The following EIF3H variants were observed in gnomAD, a reference collection of about 807,000 sequenced individuals.
EIF3H encodes eukaryotic translation initiation factor 3 subunit H.
EIF3H carries 26 observed loss-of-function variants against 44.2 expected under a neutral mutation model. The observed-to-expected ratio is 0.59, with a 90% confidence interval of 0.43 to 0.82. EIF3H has a LOEUF of 0.82. EIF3H is among the 40% of genes least tolerant of loss of function. The probability of loss-of-function intolerance (pLI) is 0.00; values close to 1 mark genes in which losing one functional copy is unlikely to be tolerated. For synonymous variants in EIF3H, 166 were observed against 151.9 expected, an observed-to-expected ratio of 1.09 and a Z score of -0.68; for missense variants, 359 against 432.8, an observed-to-expected ratio of 0.83 and a Z score of 1.51.
At chr8:116,714,028 A>G (rs74325123) in intron 2 of EIF3H, among the ~76,000 whole-genome samples, 2,158 of 152,168 alleles carry the variant, frequency 0.014, 22 homozygotes, top group Non-Finnish European at 0.02. Context: ...GAGAACTTTC[A>G]TGTATAAAAA....
In EIF3H at chr8:116,646,459, G is replaced by A. The variant is rs199543491; in HGVS notation, c.961+12C>T. 38 of 1,614,044 alleles carry A rather than the reference G, an allele frequency of 2.4e-5. No homozygotes were observed. Among genetic ancestry groups the A allele is most frequent in the African/African-American group, 5.3e-5 (4 of 75,006 alleles). On this transcript the variant is annotated intron_variant, in intron 7 of 7. Coordinates refer to ENST00000521861, the MANE Select transcript of EIF3H (RefSeq NM_003756.3). Reference sequence around the variant, plus strand: ...AACAAAACCAGCCAGGTTTTGCACTGGGCAACAATACCTGCAATGAGCAGC... The same window carrying A: ...AACAAAACCAGCCAGGTTTTGCACTAGGCAACAATACCTGCAATGAGCAGC...
chr8:116,721,124 G>A (rs1334729568), intron 2 of EIF3H, among the ~76,000 whole-genome samples: 1 of 152,106 alleles, frequency 6.6e-6, no homozygotes, highest in Admixed American at 6.5e-5. Context: ...GGCCTAGGAG[G>A]AAAAAATGGT....
chr8:116,740,908 C>G (rs1414256785), intron 1 of EIF3H, among the ~76,000 whole-genome samples: 1 of 152,094 alleles, frequency 6.6e-6, no homozygotes, highest in East Asian at 1.9e-4. Context: ...CCTATAAAGA[C>G]AGTACCAATC....
chr8:116,663,666 C>G (rs1199492223), intron 2 of EIF3H, among the ~76,000 whole-genome samples: 1 of 152,148 alleles, frequency 6.6e-6, no homozygotes, highest in African/African-American at 2.4e-5. Context: ...CGCCGTGGCT[C>G]TCGCCTGTAA....
chr8:116,752,828 G>GGAAGGAAA lies in EIF3H; in HGVS notation c.132+2837_132+2838insTTTCCTTC, dbSNP rs1285435870. On this transcript the variant is annotated intron_variant, in intron 1 of 7. Coordinates refer to ENST00000521861, the MANE Select transcript of EIF3H (RefSeq NM_003756.3). ...AGGAAGGAAGGAAGGAAGGAAGGAA[G>GGAAGGAAA]GAAAGAGAGAGAGAAAAGAAAAGAA... Among the ~76,000 whole-genome samples the GGAAGGAAA allele has an allele frequency of 1.5e-3, 205 of 134,866 alleles. 4 individuals are homozygous for GGAAGGAAA. The highest frequency in any genetic ancestry group is 3.4e-3 in the Admixed American group (46 of 13,682). The allele number at this position is 134,866 out of a possible 152,430, so 88.5% of individuals were successfully genotyped here.
intron 2 of EIF3H, among the ~76,000 whole-genome samples, chr8:116,691,628 A>G (rs1814175832): frequency 6.6e-6 from 1 of 152,128 alleles, no homozygotes; most frequent in Non-Finnish European, 1.5e-5. Flanking sequence ...TAATCCCAGC[A>G]CTTTAGAAGG....
chr8:116,723,378 C>T (rs1394702856), intron 2 of EIF3H, among the ~76,000 whole-genome samples: 1 of 152,036 alleles, frequency 6.6e-6, no homozygotes, highest in African/African-American at 2.4e-5. Flanking sequence ...AAATCTCAAC[C>T]TTAATTCTGT....
Position 116,655,962 on chromosome 8 carries a change from C to T in EIF3H, c.601G>A (p.Val201Met), listed in dbSNP as rs1813481552. 1 of 1,613,680 alleles carries T rather than the reference C, an allele frequency of 6.2e-7. No homozygotes were observed. Among genetic ancestry groups the T allele is most frequent in the Admixed American group, 1.7e-5 (1 of 59,974 alleles). The stretch of plus-strand genomic sequence containing the variant: ...TGTGAATTTTTAATTACAATCGGCA[C>T]TTCTTCAAACATGTACTCAAAGGTG... ...NITFEYMFEE[V>M]PIVIKNSHLI... The change falls in exon 5 of 8, where the codon GTG becomes ATG. Residue 201 changes from valine (V) to methionine (M), a missense_variant. By Grantham distance (21) the Val-to-Met change is conservative. This residue lies in a region of EIF3H where 85 missense variants were observed against 79.2 expected (regional missense o/e 1.07). Transcript: ENST00000521861.
intron 1 of EIF3H, among the ~76,000 whole-genome samples, chr8:116,742,102 T>C (rs1014173450): frequency 1.3e-5 from 2 of 151,838 alleles, no homozygotes; most frequent in East Asian, 1.9e-4. Context: ...AAAAAAAAGA[T>C]TTTCTGCTCC....
At chr8:116,684,560 T>C (rs758456862) in intron 2 of EIF3H, among the ~76,000 whole-genome samples, 1 of 152,088 alleles carries the variant, frequency 6.6e-6, no homozygotes, top group East Asian at 1.9e-4. Context: ...ATTTTTTTTT[T>C]AAAGCAACAG....
chr8:116,713,479 A>G (rs1047160696), intron 2 of EIF3H, among the ~76,000 whole-genome samples: 7 of 152,192 alleles, frequency 4.6e-5, no homozygotes, highest in African/African-American at 1.2e-4. Context: ...TAAAACATGA[A>G]GTAAATGCAA....
intron 1 of EIF3H, among the ~76,000 whole-genome samples, chr8:116,752,432 C>CTA (rs1281718436): frequency 6.6e-6 from 1 of 151,960 alleles, no homozygotes; most frequent in Non-Finnish European, 1.5e-5. Context: ...AGGTACTATA[C>CTA]TAAACACTTT....
chr8:116,735,603 T>A (rs916384572), intron 1 of EIF3H, among the ~76,000 whole-genome samples: 1 of 152,246 alleles, frequency 6.6e-6, no homozygotes, highest in African/African-American at 2.4e-5. Flanking sequence ...TTTGGAATAG[T>A]TGCATTTTCA....
At chr8:116,651,754 C>G (rs934280081) in intron 5 of EIF3H, among the ~76,000 whole-genome samples, 1 of 152,150 alleles carries the variant, frequency 6.6e-6, no homozygotes, top group Admixed American at 6.5e-5. Context: ...GATTTAAATT[C>G]ACTCCGACTT....
intron 7 of EIF3H, among the ~76,000 whole-genome samples, chr8:116,645,590 TG>T (rs1185858230): frequency 6.6e-6 from 1 of 152,244 alleles, no homozygotes; most frequent in African/African-American, 2.4e-5. Context: ...AGAGTTCACT[TG>T]AAGAAAGGGC....
intron 5 of EIF3H, 122 bp from the exon 6 acceptor site, chr8:116,649,048 T>C (rs970321830): frequency 8.9e-6 from 7 of 785,294 alleles, no homozygotes; most frequent in Non-Finnish European, 1.3e-5. Context: ...AGCACACATA[T>C]GCATAAAAGC....
chr8:116,731,192 C>T (rs889820139), intron 1 of EIF3H, among the ~76,000 whole-genome samples: 1 of 152,200 alleles, frequency 6.6e-6, no homozygotes, highest in African/African-American at 2.4e-5. Context: ...TTTACTCATT[C>T]CCAGCTGAGC....
rs537193910 is a variant in EIF3H at position 116,733,728 on chromosome 8, T to G, written c.133-7556A>C. Among the ~76,000 whole-genome samples the G allele has an allele frequency of 4.0e-5, 6 of 148,778 alleles. No individual in the cohort carries two copies. In the East Asian group the frequency reaches 1.2e-3, roughly 29 times the overall value. On this transcript the variant is annotated intron_variant, in intron 1 of 7. Coordinates refer to ENST00000521861, the MANE Select transcript of EIF3H (RefSeq NM_003756.3). ...TCAAACCAAGAAATGTCTGAAATAT[T>G]TATTTCTCTTAAAAATAACCTCTAT...
chr8:116,661,190 T>C (rs1813581260), intron 2 of EIF3H, among the ~76,000 whole-genome samples: 1 of 152,186 alleles, frequency 6.6e-6, no homozygotes, highest in African/African-American at 2.4e-5. Flanking sequence ...TCAAATTTAA[T>C]TTATGAGTGA....
Sources: allele counts gnomAD v4.1 joint callset (sites outside exome capture counted in the v4.1 genomes callset), GRCh38; gene constraint gnomAD v4.1.1; regional missense constraint gnomAD v4.1.1; transcripts MANE v1.5; gene names NCBI Gene and HGNC (gene_info 2026-07-23, HGNC 2026-07-21).